The following CEP295 variants were observed in gnomAD, a reference collection of about 807,000 sequenced individuals.
CEP295 encodes the protein centrosomal protein of 295 kDa.
In CEP295, 190 loss-of-function variants were observed where a neutral mutation model predicts 291.6. That is an observed-to-expected ratio of 0.65 (90% CI 0.58 to 0.73). CEP295 has a LOEUF of 0.73. CEP295 is among the 30% of genes least tolerant of loss of function. The probability of loss-of-function intolerance (pLI) is 0.00; values close to 1 mark genes in which losing one functional copy is unlikely to be tolerated. For missense variants in CEP295, 2,863 were observed against 2,949.4 expected (o/e 0.97, Z 0.68); for synonymous variants, 993 against 1,038.8 (o/e 0.96, Z 0.85).
At chr11:93,670,444 A>T (rs1331677249) in intron 5 of CEP295, among the ~76,000 whole-genome samples, 1 of 152,224 alleles carries the variant, frequency 6.6e-6, no homozygotes, top group Non-Finnish European at 1.5e-5. Context: ...CTTGTTCTCC[A>T]CATTAGCTTG....
chr11:93,698,098 A>G lies in CEP295; in HGVS notation c.3186A>G (p.Glu1062=). 2 of 1,552,072 alleles carry G rather than the reference A, an allele frequency of 1.3e-6. No homozygotes were observed. The highest frequency in any genetic ancestry group is 1.7e-6 in the Non-Finnish European group (2 of 1,147,070). Residue 1062 remains glutamate (E), a synonymous_variant, in exon 15 of 30, where the codon GAA becomes GAG. Coordinates refer to ENST00000325212, the MANE Select transcript of CEP295 (RefSeq NM_033395.2). ...ATGATAGTTTGAAGTTGCTCCAAGA[A>G]CAGTTGACTAAACAGAGGGATACTC... ...PLHDSLKLLQ[E]QLTKQRDTLQ...
chr11:93,699,487 C>T lies in CEP295; in HGVS notation c.4575C>T (p.Val1525=). The part of the protein sequence containing the change: ...QKKAIRSIQE[V]QEELLLQRLS... ...AAGCCATTCGATCTATACAGGAAGT[C>T]CAAGAAGAATTGCTTTTGCAAAGAT... The change falls in exon 15 of 30, where the codon GTC becomes GTT. Residue 1525 remains valine (V), a synonymous_variant. Coordinates refer to ENST00000325212, the MANE Select transcript of CEP295 (RefSeq NM_033395.2). 1 of 1,551,696 alleles carries T rather than the reference C, an allele frequency of 6.4e-7. No individual in the cohort carries two copies. Among genetic ancestry groups the T allele is most frequent in the Non-Finnish European group, 8.7e-7 (1 of 1,146,988 alleles).
intron 18 of CEP295, 135 bp from the exon 19 acceptor site, chr11:93,721,177 G>A (rs1953687071): frequency 3.2e-6 from 2 of 615,416 alleles, no homozygotes; most frequent in Non-Finnish European, 5.8e-6. Flanking sequence ...TCTAAGACAA[G>A]ACAACTTTAA....
Position 93,706,972 on chromosome 11 carries a change from G to C in CEP295, c.5749+75G>C, listed in dbSNP as rs1003677126. The C allele has an allele frequency of 3.1e-6, 4 of 1,270,464 alleles. No individual in the cohort carries two copies. In the East Asian group the frequency reaches 8.0e-5, roughly 25 times the overall value. The allele number at this position is 1,270,464 out of a possible 1,614,324, so 78.7% of individuals were successfully genotyped here. On this transcript the variant is annotated intron_variant, in intron 18 of 29. Coordinates refer to ENST00000325212, the MANE Select transcript of CEP295 (RefSeq NM_033395.2). ...AAAGATATTTATTATTTTGTTATTT[G>C]TAATGGTGAAAAATGGTAAATAAAC...
intron 9 of CEP295, among the ~76,000 whole-genome samples, chr11:93,685,051 C>T (rs1443392852): frequency 2.6e-5 from 4 of 152,214 alleles, no homozygotes; most frequent in African/African-American, 9.7e-5. Flanking sequence ...CTCTTGCCTA[C>T]TAAAACTGTC....
chr11:93,683,861 C>G, intron 8 of CEP295, 103 bp from the exon 9 acceptor site: 1 of 1,417,134 alleles, frequency 7.1e-7, no homozygotes, highest in Non-Finnish European at 9.5e-7. Flanking sequence ...AGGAGGCCCC[C>G]CATATTTTAG....
rs1026595807 is a variant in CEP295, at chr11:93,729,856, T to C, written c.7568-14T>C. Reference sequence around the variant, plus strand: ...CCTTGTGTTTACAACTTGATTTCACTTTTCTTTCCTCAGGTTCATCTGTGA... The same window carrying C: ...CCTTGTGTTTACAACTTGATTTCACCTTTCTTTCCTCAGGTTCATCTGTGA... On this transcript the variant is annotated splice_polypyrimidine_tract_variant and intron_variant, in intron 27 of 29. Transcript: ENST00000325212. 1 of 1,537,988 alleles carries C rather than the reference T, an allele frequency of 6.5e-7. No homozygotes were observed. The highest frequency in any genetic ancestry group is 1.4e-5 in the African/African-American group (1 of 71,848).
chr11:93,672,161 A>G (rs754529888), intron 5 of CEP295, among the ~76,000 whole-genome samples: 1 of 152,204 alleles, frequency 6.6e-6, no homozygotes, highest in Non-Finnish European at 1.5e-5. Context: ...GTCAAGGTCT[A>G]TTTCTATAAA....
chr11:93,703,387 T>C (rs1426013412), intron 17 of CEP295, among the ~76,000 whole-genome samples: 1 of 152,068 alleles, frequency 6.6e-6, no homozygotes, highest in Non-Finnish European at 1.5e-5. Flanking sequence ...TTAAACAGTA[T>C]TTAAAATTTG....
At chr11:93,695,974 AAATAAT>A (rs1254197509) in intron 13 of CEP295, among the ~76,000 whole-genome samples, 2 of 152,168 alleles carry the variant, frequency 1.3e-5, no homozygotes, top group African/African-American at 2.4e-5. Context: ...CATCTCAAAA[AAATAAT>A]AATAATAAAA....
At chr11:93,716,793 T>C (rs1953284524) in intron 18 of CEP295, among the ~76,000 whole-genome samples, 1 of 152,252 alleles carries the variant, frequency 6.6e-6, no homozygotes, top group African/African-American at 2.4e-5. Context: ...ATGCCCATTA[T>C]CTAGATTTTG....
chr11:93,674,541 C>T (rs1441901747), intron 5 of CEP295, among the ~76,000 whole-genome samples: 1 of 151,962 alleles, frequency 6.6e-6, no homozygotes, highest in Non-Finnish European at 1.5e-5. Flanking sequence ...TGTCAACAGG[C>T]CTTAAAAAAA....
intron 14 of CEP295, 28 bp from the exon 15 acceptor site, chr11:93,696,654 A>C (rs1263900015): frequency 1.3e-6 from 2 of 1,497,260 alleles, no homozygotes; most frequent in Non-Finnish European, 1.8e-6. Context: ...ATTAAAAAAC[A>C]ATAATTGTTT....
In CEP295 at chr11:93,699,099, C is replaced by T. The variant is rs942671838; in HGVS notation, c.4187C>T (p.Ser1396Phe). Residue 1396 changes from serine to phenylalanine, a missense_variant, in exon 15 of 30, where the codon TCC becomes TTC. Physicochemically the swap from Ser to Phe is radical, Grantham distance 155 (BLOSUM62 -2). Transcript: ENST00000325212. ...TCTCCCGAGCAGGTTGACACCTCTT[C>T]CTTACCCCTAGTACCACAGCATTCA... The part of the protein sequence containing the change: ...RISPEQVDTS[S>F]LPLVPQHSFA... 7 of 1,548,282 alleles carry T rather than the reference C, an allele frequency of 4.5e-6. No homozygotes were observed. The highest frequency in any genetic ancestry group is 6.1e-6 in the Non-Finnish European group (7 of 1,147,100).
At chr11:93,662,604 A>C (rs1376044613) in intron 1 of CEP295, among the ~76,000 whole-genome samples, 1 of 152,244 alleles carries the variant, frequency 6.6e-6, no homozygotes, top group African/African-American at 2.4e-5. Flanking sequence ...ATTAATAAAC[A>C]AGTAAATGGG....
intron 7 of CEP295, among the ~76,000 whole-genome samples, chr11:93,682,284 C>A (rs1422067988): frequency 6.6e-6 from 1 of 152,050 alleles, no homozygotes; most frequent in Non-Finnish European, 1.5e-5. Context: ...AGTTCAGTGG[C>A]GTGATCTTGG....
intron 25 of CEP295, 195 bp downstream of exon 25, chr11:93,729,016 C>A (rs920289518): frequency 1.8e-6 from 1 of 544,688 alleles, no homozygotes; most frequent in African/African-American, 1.9e-5. Flanking sequence ...TTAATCCCCA[C>A]TCCAATTTAT....
chr11:93,691,701 T>G lies in CEP295; in HGVS notation c.1355T>G (p.Leu452Arg). 1 of 1,541,964 alleles carries G rather than the reference T, an allele frequency of 6.5e-7. No homozygotes were observed. The highest frequency in any genetic ancestry group is 2.5e-5 in the East Asian group (1 of 40,786). ...GQEQVVESDT[L>R]TIESGPLASE... The stretch of plus-strand genomic sequence containing the variant: ...ATTACAGTTGTTGAAAGTGATACAC[T>G]AACAATTGAGTCTGGACCACTTGCT... The change falls in exon 11 of 30, where the codon CTA (leucine) becomes CGA (arginine). Residue 452 changes from leucine (L) to arginine (R), a missense_variant. This residue lies in a region of CEP295 where 554 missense variants were observed against 576.0 expected (regional missense o/e 0.96). Coordinates refer to ENST00000325212, the MANE Select transcript of CEP295 (RefSeq NM_033395.2).
chr11:93,702,381 G>T, intron 15 of CEP295, 79 bp from the exon 16 acceptor site: 1 of 898,144 alleles, frequency 1.1e-6, no homozygotes, highest in South Asian at 2.3e-5. Flanking sequence ...AATTTAAGAA[G>T]GGAGATATAA....
Sources: allele counts gnomAD v4.1 joint callset (sites outside exome capture counted in the v4.1 genomes callset), GRCh38; gene constraint gnomAD v4.1.1; regional missense constraint gnomAD v4.1.1; transcripts MANE v1.5; gene names NCBI Gene and HGNC (gene_info 2026-07-23, HGNC 2026-07-21).